ADAMTS6: variants seen among roughly 807,000 people sequenced by gnomAD.
ADAMTS6 encodes the protein A disintegrin and metalloproteinase with thrombospondin motifs 6.
In ADAMTS6, 23 loss-of-function variants were observed where a neutral mutation model predicts 144.3. That is an observed-to-expected ratio of 0.16 (90% confidence interval 0.11 to 0.23). The LOEUF is 0.23. Ranked by LOEUF, ADAMTS6 falls within the 10% of genes least tolerant of loss-of-function variation. The pLI is 1.00. For synonymous variants in ADAMTS6, 444 were observed against 457.5 expected (o/e 0.97, Z 0.38); for missense variants, 999 against 1,379.6 (o/e 0.72, Z 4.37).
At position 65,151,731 on chromosome 5, in the gene ADAMTS6, G is replaced by T; in HGVS notation, c.*105C>A. The T allele has an allele frequency of 1.0e-6, 1 of 971,910 alleles. No homozygotes were observed. 60.2% of individuals were successfully genotyped at this position (971,910 alleles called of 1,614,324 possible). A position where few individuals can be genotyped will look rare whatever the true frequency, so the allele number is the denominator to read the frequency against. On this transcript the variant is annotated 3_prime_UTR_variant, in exon 25 of 25. Transcript: ENST00000381055. ...GACCAGTGGTTACGTTTTCCACAGG[G>T]TAATGCATTTGCAAGGACATCAATC... is the stretch of plus-strand genomic sequence containing the variant.
chr5:65,355,033 A>G (rs1412263717), intron 7 of ADAMTS6, among the ~76,000 whole-genome samples: 2 of 151,922 alleles, frequency 1.3e-5, no homozygotes, highest in Admixed American at 1.3e-4. Flanking sequence ...GTATTCTTTT[A>G]GTCTCGTGAG....
rs116402809 is a variant in ADAMTS6, at chr5:65,393,782, T to C, written c.1073+57693A>G. Among the ~76,000 whole-genome samples the C allele has an allele frequency of 5.8e-4, 89 of 152,342 alleles. 1 individual carries two copies. Among genetic ancestry groups the C allele is most frequent in the Admixed American group, 1.2e-3 (19 of 15,300 alleles). ...TCAAGAAAAATTGCGAGTTTTTCTT[T>C]TTCATTGTATGTGTAAAACAATCTT... is the stretch of plus-strand genomic sequence containing the variant. On this transcript the variant is annotated intron_variant, in intron 7 of 24. Coordinates refer to ENST00000381055, the MANE Select transcript of ADAMTS6 (RefSeq NM_197941.4).
At chr5:65,381,365 CTTT>C (rs541774535) in intron 7 of ADAMTS6, among the ~76,000 whole-genome samples, 6 of 141,154 alleles carry the variant, frequency 4.3e-5, no homozygotes, top group Admixed American at 7.2e-5. Flanking sequence ...AGGATTATAT[CTTT>C]TTTTTTTTTT....
chr5:65,359,203 AAT>A (rs1384142578), intron 7 of ADAMTS6, among the ~76,000 whole-genome samples: 1 of 152,120 alleles, frequency 6.6e-6, no homozygotes, highest in African/African-American at 2.4e-5. Context: ...GCCAATTAAA[AAT>A]GTACAAAGAA....
intron 7 of ADAMTS6, among the ~76,000 whole-genome samples, chr5:65,404,224 C>T (rs908741642): frequency 1.3e-5 from 2 of 151,930 alleles, no homozygotes; most frequent in African/African-American, 4.8e-5. Context: ...TATACAAATG[C>T]CATGTTGGTG....
At chr5:65,440,940 T>C (rs576992971) in intron 7 of ADAMTS6, among the ~76,000 whole-genome samples, 1 of 152,200 alleles carries the variant, frequency 6.6e-6, no homozygotes, top group African/African-American at 2.4e-5. Context: ...CACAAAAATA[T>C]CTGACACCCA....
At chr5:65,327,678 A>G (rs1398786937) in intron 9 of ADAMTS6, among the ~76,000 whole-genome samples, 1 of 152,132 alleles carries the variant, frequency 6.6e-6, no homozygotes, top group Non-Finnish European at 1.5e-5. Context: ...TATAAGGCCA[A>G]CAACAACAAC....
In ADAMTS6 at chr5:65,422,991, C is replaced by T. The variant is rs575681067; in HGVS notation, c.1073+28484G>A. Among the ~76,000 whole-genome samples the T allele has an allele frequency of 2.6e-5, 4 of 152,238 alleles. No individual in the cohort carries two copies. The East Asian group carries it at 7.7e-4, about 29-fold the overall frequency. ...ACGCTGGAATACTATTCAGCCATAA[C>T]AAAGAACAAAATAATGTCTTTTGCA... On this transcript the variant is annotated intron_variant, in intron 7 of 24. Transcript: ENST00000381055.
chr5:65,159,024 A>G (rs375550757), intron 24 of ADAMTS6, among the ~76,000 whole-genome samples: 205 of 152,300 alleles, frequency 1.3e-3, no homozygotes, highest in African/African-American at 4.7e-3. Flanking sequence ...GAATTCCTTC[A>G]TGATTAATGA....
chr5:65,380,599 T>C (rs1211151228), intron 7 of ADAMTS6, among the ~76,000 whole-genome samples: 1 of 152,072 alleles, frequency 6.6e-6, no homozygotes, highest in Admixed American at 6.6e-5. Context: ...ATATTGGGAA[T>C]ATGACTCATC....
intron 6 of ADAMTS6, 133 bp from the exon 7 acceptor site, chr5:65,451,753 T>C: frequency 9.9e-7 from 1 of 1,011,024 alleles, no homozygotes; most frequent in Non-Finnish European, 1.4e-6. Flanking sequence ...AATTTTTATC[T>C]CTGTAATATC....
Position 65,224,323 on chromosome 5 carries a change from T to C in ADAMTS6, c.2269A>G (p.Ile757Val), listed in dbSNP as rs1757555606. 3.7e-6 allele frequency: 6 copies of C among 1,613,604 alleles called. No homozygotes were observed. Among genetic ancestry groups the C allele is most frequent in the Non-Finnish European group, 5.1e-6 (6 of 1,179,600 alleles). Residue 757 changes from isoleucine (I) to valine (V), a missense_variant, in exon 18 of 25, where the codon ATT becomes GTT. Around this residue, in one of 3 missense-constraint regions of ADAMTS6, gnomAD observed 619 missense variants for 837.0 expected, o/e 0.74. Coordinates refer to ENST00000381055, the MANE Select transcript of ADAMTS6 (RefSeq NM_197941.4). ...CTAGCATACCAGTCTAACATACCAA[T>C]ATAGTTCTTTGACATGGCAACTTCT... ...VREVAMSKNY[I>V]ALKSEGDDYY...
At chr5:65,468,699 CAAT>C (rs1760212730) in intron 3 of ADAMTS6, among the ~76,000 whole-genome samples, 1 of 152,160 alleles carries the variant, frequency 6.6e-6, no homozygotes, top group South Asian at 2.1e-4. Flanking sequence ...CAGAAAGTCT[CAAT>C]AAGGATGAAT....
intron 7 of ADAMTS6, among the ~76,000 whole-genome samples, chr5:65,396,163 C>G (rs1753316134): frequency 6.6e-6 from 1 of 152,044 alleles, no homozygotes; most frequent in Non-Finnish European, 1.5e-5. Context: ...TTAATTATCT[C>G]AAAAAAAGCA....
At chr5:65,448,750 G>A (rs1357985925) in intron 7 of ADAMTS6, among the ~76,000 whole-genome samples, 1 of 151,986 alleles carries the variant, frequency 6.6e-6, no homozygotes, top group East Asian at 1.9e-4. Context: ...ACCGCGCCCG[G>A]CCCTGGCATT....
intron 9 of ADAMTS6, among the ~76,000 whole-genome samples, chr5:65,311,162 T>C (rs894574563): frequency 2.0e-5 from 3 of 152,330 alleles, no homozygotes; most frequent in Non-Finnish European, 4.4e-5. Context: ...TGGGAGACTA[T>C]CTGCTGACTA....
Position 65,291,487 on chromosome 5 carries a change from A to G in ADAMTS6, c.1371-17T>C, listed in dbSNP as rs1369801033. 1 of 1,587,564 alleles carries G rather than the reference A, an allele frequency of 6.3e-7. No individual in the cohort carries two copies. Among genetic ancestry groups the G allele is most frequent in the East Asian group, 2.3e-5 (1 of 44,200 alleles). ...CGGCCTGAACTGTTCAACATAAAGG[A>G]TCAAAGGAAATTAGGTATTCTATGG... On this transcript the variant is annotated splice_polypyrimidine_tract_variant and intron_variant, in intron 10 of 24. Transcript: ENST00000381055.
Position 65,149,113 on chromosome 5 carries a change from G to A in ADAMTS6, c.*2723C>T, listed in dbSNP as rs1300202524. ...TATCTCACGGGGTTTAATCATTAGG[G>A]TACATTTACCGTTCCTTTTTTAGTA... On this transcript the variant is annotated 3_prime_UTR_variant, in exon 25 of 25. Transcript: ENST00000381055. The A allele has an allele frequency of 6.6e-6, 1 of 152,570 alleles. No individual in the cohort carries two copies. Among genetic ancestry groups the A allele is most frequent in the African/African-American group, 2.4e-5 (1 of 41,446 alleles). The allele number at this position is 152,570 out of a possible 1,614,324, so 9.5% of individuals were successfully genotyped here.
chr5:65,181,769 C>T (rs916186843), intron 22 of ADAMTS6, among the ~76,000 whole-genome samples: 2 of 152,206 alleles, frequency 1.3e-5, no homozygotes, highest in Non-Finnish European at 2.9e-5. Flanking sequence ...ACTTCATCCA[C>T]ATGCTAGGCA....
Sources: gnomAD v4.1 joint callset for allele counts (sites outside exome capture counted in the v4.1 genomes callset) on GRCh38, gnomAD v4.1.1 for gene constraint, gnomAD v4.1.1 regional missense constraint, MANE v1.5 for transcripts, NCBI Gene and HGNC (gene_info 2026-07-23, HGNC 2026-07-21) for gene names.